The following ADTRP variants were observed in gnomAD, a reference collection of about 807,000 sequenced individuals.
ADTRP encodes the protein androgen-dependent TFPI-regulating protein.
Under a neutral mutation model 27.0 loss-of-function variants are expected in ADTRP, and 20 were observed. The ratio of observed to expected loss-of-function variants is 0.74; its 90% confidence interval spans 0.52 to 1.08. ADTRP has a LOEUF of 1.08. ADTRP is among the 50% of genes least tolerant of loss of function. The pLI is 0.00. For missense variants in ADTRP, 251 were observed against 275.0 expected (o/e 0.91, Z 0.62); for synonymous variants, 101 against 105.2 (o/e 0.96, Z 0.25).
chr6:11,738,881 G>A (rs992257343), intron 3 of ADTRP, among the ~76,000 whole-genome samples: 19 of 152,140 alleles, frequency 1.2e-4, no homozygotes, highest in African/African-American at 3.9e-4. Flanking sequence ...CACATTTTCC[G>A]GTCGGGGCTG....
chr6:11,775,266 C>T (rs950547882), intron 1 of ADTRP, among the ~76,000 whole-genome samples: 5 of 152,174 alleles, frequency 3.3e-5, no homozygotes, highest in Non-Finnish European at 7.3e-5. Context: ...AGTTCACCAT[C>T]ACCTCCCCAT....
At chr6:11,723,041 G>A (rs894955027) in intron 5 of ADTRP, among the ~76,000 whole-genome samples, 5 of 152,170 alleles carry the variant, frequency 3.3e-5, no homozygotes, top group Non-Finnish European at 7.3e-5. Context: ...TGCTAGGGAT[G>A]GTAATACCTT....
intron 3 of ADTRP, chr6:11,736,599 TC>T (rs2113905335): frequency 6.5e-6 from 1 of 152,824 alleles, no homozygotes; most frequent in Non-Finnish European, 1.5e-5. Context: ...CAGCCTCCTG[TC>T]CCTGCTTCCT....
At chr6:11,770,148 G>A (rs1763722144) in intron 1 of ADTRP, 2 of 1,463,128 alleles carry the variant, frequency 1.4e-6, no homozygotes, top group Non-Finnish European at 1.9e-6. Flanking sequence ...AAAGCATTGT[G>A]GGAGGTCAGA....
chr6:11,735,538 C>A (rs561606598), intron 4 of ADTRP, 30 bp downstream of exon 4: 1 of 1,552,120 alleles, frequency 6.4e-7, no homozygotes, highest in African/African-American at 1.4e-5. Flanking sequence ...AACGACAAGC[C>A]TAAGTTGACT....
chr6:11,767,784 C>T (rs1763623311), intron 2 of ADTRP: 1 of 153,554 alleles, frequency 6.5e-6, no homozygotes, highest in African/African-American at 2.4e-5. Context: ...CCATGTGCCA[C>T]CTTTGAAGGT....
chr6:11,777,329 T>C (rs1290858680), intron 1 of ADTRP, among the ~76,000 whole-genome samples: 2 of 152,092 alleles, frequency 1.3e-5, no homozygotes, highest in Non-Finnish European at 2.9e-5. Context: ...TAGCCACACA[T>C]AGTGTGAGGT....
In ADTRP at chr6:11,723,732, A is replaced by G. The variant is rs183107080; in HGVS notation, c.507-232T>C. Among the ~76,000 whole-genome samples, 4 of 152,284 alleles carry G rather than the reference A, an allele frequency of 2.6e-5. No individual in the cohort carries two copies. The East Asian group carries it at 7.7e-4, about 29-fold the overall frequency. The stretch of plus-strand genomic sequence containing the variant: ...GGGCTGGGCTGGGCTGTTTTACCTA[A>G]TCCACTTAAATTCAACATTGGTGAA... On this transcript the variant is annotated intron_variant, in intron 4 of 5. Transcript: ENST00000414691.
intron 4 of ADTRP, among the ~76,000 whole-genome samples, chr6:11,728,980 G>A (rs1762302445): frequency 6.6e-6 from 1 of 152,172 alleles, no homozygotes; most frequent in South Asian, 2.1e-4. Flanking sequence ...CATCTGCTAC[G>A]TGAACCTCTG....
chr6:11,778,265 A>C (rs1052250052), intron 1 of ADTRP, among the ~76,000 whole-genome samples: 3 of 152,212 alleles, frequency 2.0e-5, no homozygotes, highest in African/African-American at 7.2e-5. Flanking sequence ...TTCCCCAAGC[A>C]AAGTTCAAAA....
chr6:11,729,252 C>T (rs12198491), intron 4 of ADTRP, among the ~76,000 whole-genome samples: 2 of 151,938 alleles, frequency 1.3e-5, no homozygotes, highest in African/African-American at 4.8e-5. Context: ...CAGAAAGAGT[C>T]AGGAGAAACT....
chr6:11,734,363 C>T (rs1449755539), intron 4 of ADTRP, among the ~76,000 whole-genome samples: 2 of 152,252 alleles, frequency 1.3e-5, no homozygotes, highest in African/African-American at 2.4e-5. Context: ...CAACAGAGTG[C>T]TCCAGACATC....
At chr6:11,752,311 C>A (rs1238950320) in intron 3 of ADTRP, among the ~76,000 whole-genome samples, 2 of 151,844 alleles carry the variant, frequency 1.3e-5, no homozygotes, top group Non-Finnish European at 2.9e-5. Flanking sequence ...CGCTATATGG[C>A]CAGAAACGAA....
intron 3 of ADTRP, among the ~76,000 whole-genome samples, chr6:11,745,852 A>G (rs994076625): frequency 2.6e-5 from 4 of 152,044 alleles, no homozygotes; most frequent in African/African-American, 9.7e-5. Context: ...GCGCAGTGAC[A>G]TGATCTCGGC....
chr6:11,771,179 C>T (rs922958910), intron 1 of ADTRP, among the ~76,000 whole-genome samples: 2 of 152,222 alleles, frequency 1.3e-5, no homozygotes, highest in Non-Finnish European at 2.9e-5. Context: ...ACACCTCCAA[C>T]TTGTCAATCC....
chr6:11,774,192 C>T (rs1763874691), intron 1 of ADTRP, among the ~76,000 whole-genome samples: 1 of 151,970 alleles, frequency 6.6e-6, no homozygotes, highest in African/African-American at 2.4e-5. Flanking sequence ...TGCTGTAGTC[C>T]CAGCTACTGA....
intron 3 of ADTRP, 104 bp from the exon 4 acceptor site, chr6:11,735,787 G>C: frequency 1.3e-6 from 1 of 771,450 alleles, no homozygotes; most frequent in Admixed American, 2.2e-5. Flanking sequence ...CACACTGCTA[G>C]ATGAAGCTTT....
At chr6:11,735,514 C>T in intron 4 of ADTRP, 54 bp downstream of exon 4, 1 of 1,346,374 alleles carries the variant, frequency 7.4e-7, no homozygotes, top group Non-Finnish European at 1.1e-6. Flanking sequence ...TCTGGAACTT[C>T]CCTCAGGGTC....
chr6:11,731,073 A>G (rs1762364701), intron 4 of ADTRP, among the ~76,000 whole-genome samples: 3 of 152,196 alleles, frequency 2.0e-5, no homozygotes, highest in Admixed American at 1.3e-4. Context: ...AATGCTCAGA[A>G]CAGTGTGCAG....
Sources: gnomAD v4.1 joint callset for allele counts (sites outside exome capture counted in the v4.1 genomes callset) on GRCh38, gnomAD v4.1.1 for gene constraint, MANE v1.5 for transcripts, NCBI Gene and HGNC (gene_info 2026-07-23, HGNC 2026-07-21) for gene names.